Variants in CADM2 observed in about 807,000 individuals in gnomAD.
The protein encoded by CADM2 is immunoglobulin superfamily member 4D.
A neutral mutation model predicts 49.8 loss-of-function variants in CADM2; 12 were observed. The ratio of observed to expected loss-of-function variants is 0.24; its 90% CI spans 0.15 to 0.39. The LOEUF (loss-of-function observed/expected upper bound fraction) is 0.39, where lower values mean the gene tolerates loss of function less well. CADM2 is among the 10% of genes least tolerant of loss of function. The pLI is 1.00. For synonymous variants in CADM2, 214 were observed against 175.4 expected (o/e 1.22, Z -1.74); for missense variants, 378 against 492.3 (o/e 0.77, Z 2.20).
chr3:85,234,146 TG>T (rs2042360128), intron 1 of CADM2, among the ~76,000 whole-genome samples: 1 of 152,104 alleles, frequency 6.6e-6, no homozygotes, highest in African/African-American at 2.4e-5. Flanking sequence ...TGGTAAATTG[TG>T]AAGCAAGGAC....
chr3:85,355,820 G>A (rs1211001464), intron 1 of CADM2, among the ~76,000 whole-genome samples: 1 of 152,050 alleles, frequency 6.6e-6, no homozygotes, highest in African/African-American at 2.4e-5. Flanking sequence ...GCAGAATAAA[G>A]GAGGGGAAGA....
chr3:85,784,090 C>T (rs1479969079), intron 2 of CADM2, among the ~76,000 whole-genome samples: 1 of 152,172 alleles, frequency 6.6e-6, no homozygotes, highest in African/African-American at 2.4e-5. Flanking sequence ...CACGCACACA[C>T]ATTTGTCATT....
chr3:85,409,588 T>A (rs2035563784), intron 1 of CADM2, among the ~76,000 whole-genome samples: 1 of 152,078 alleles, frequency 6.6e-6, no homozygotes, highest in African/African-American at 2.4e-5. Context: ...TAGAAAGTCA[T>A]ATGATCCAAC....
At chr3:85,793,283 C>CT in intron 2 of CADM2, among the ~76,000 whole-genome samples, 1 of 152,254 alleles carries the variant, frequency 6.6e-6, no homozygotes, top group Non-Finnish European at 1.5e-5. Flanking sequence ...CTGAAACTAA[C>CT]TTAGATGGTT....
At chr3:85,942,032 T>A (rs1477962174) in intron 7 of CADM2, among the ~76,000 whole-genome samples, 1 of 152,114 alleles carries the variant, frequency 6.6e-6, no homozygotes, top group East Asian at 1.9e-4. Flanking sequence ...GTAACACAGC[T>A]GATAAATGGT....
intron 3 of CADM2, among the ~76,000 whole-genome samples, chr3:85,861,816 A>T (rs1336658777): frequency 6.6e-6 from 1 of 151,978 alleles, no homozygotes. Context: ...TGCATTTTTT[A>T]TAATTTATAT....
At chr3:85,108,851 A>T (rs1203018775) in intron 1 of CADM2, among the ~76,000 whole-genome samples, 1 of 152,106 alleles carries the variant, frequency 6.6e-6, no homozygotes, top group Non-Finnish European at 1.5e-5. Flanking sequence ...ATTAGGATGT[A>T]TCTTCAGAAA....
At chr3:85,579,542 C>G (rs1420959255) in intron 1 of CADM2, among the ~76,000 whole-genome samples, 5 of 152,072 alleles carry the variant, frequency 3.3e-5, no homozygotes, top group African/African-American at 1.2e-4. Flanking sequence ...ATGATAGAGT[C>G]AAGTTTGTTA....
At chr3:85,353,017 C>T (rs2031500234) in intron 1 of CADM2, among the ~76,000 whole-genome samples, 1 of 152,184 alleles carries the variant, frequency 6.6e-6, no homozygotes, top group Non-Finnish European at 1.5e-5. Flanking sequence ...TTCCTGAAGG[C>T]TTATTTATCC....
At chr3:85,660,307 T>C (rs2065360160) in intron 1 of CADM2, among the ~76,000 whole-genome samples, 1 of 152,140 alleles carries the variant, frequency 6.6e-6, no homozygotes, top group Non-Finnish European at 1.5e-5. Flanking sequence ...GAGGAGGCAG[T>C]AGAACAGTGA....
At chr3:84,976,302 T>G (rs2031810932) in intron 1 of CADM2, among the ~76,000 whole-genome samples, 1 of 151,592 alleles carries the variant, frequency 6.6e-6, no homozygotes, top group Non-Finnish European at 1.5e-5. Flanking sequence ...AACAAGAAAG[T>G]AGAAAGTATT....
chr3:85,568,463 C>CTTTCTT (rs1424573453), intron 1 of CADM2, among the ~76,000 whole-genome samples: 5 of 13,190 alleles, frequency 3.8e-4, no homozygotes, highest in South Asian at 4.5e-3. Context: ...TTCTTTCTTT[C>CTTTCTT]TCTTTCTCTC....
At chr3:85,870,616 A>G (rs971465709) in intron 3 of CADM2, among the ~76,000 whole-genome samples, 4 of 152,166 alleles carry the variant, frequency 2.6e-5, no homozygotes, top group African/African-American at 7.2e-5. Flanking sequence ...TCCATAGTAT[A>G]TATGTACCAC....
chr3:85,630,843 A>G (rs923078921), intron 1 of CADM2, among the ~76,000 whole-genome samples: 2 of 152,024 alleles, frequency 1.3e-5, no homozygotes, highest in Admixed American at 6.6e-5. Context: ...CTCTCCACAG[A>G]GCAGTCAGAG....
In CADM2 at chr3:86,070,342, A is replaced by G. The variant is rs1320052358; in HGVS notation, c.*3559A>G. The G allele has an allele frequency of 1.3e-5, 2 of 151,990 alleles. No homozygotes were observed. Among genetic ancestry groups the G allele is most frequent in the Non-Finnish European group, 2.9e-5 (2 of 67,888 alleles). 9.4% of individuals were successfully genotyped at this position (151,990 alleles called of 1,614,324 possible). A position where few individuals can be genotyped will look rare whatever the true frequency, so the allele number is the denominator to read the frequency against. ...GGCACATGTATAGCAGCTGTTTGAC[A>G]GTGATGGCTCTTCCATGTAACATAG... On this transcript the variant is annotated 3_prime_UTR_variant, in exon 10 of 10. Coordinates refer to ENST00000383699, the MANE Select transcript of CADM2 (RefSeq NM_001167675.2).
At chr3:85,930,418 A>T (rs979262602) in intron 6 of CADM2, among the ~76,000 whole-genome samples, 2 of 152,128 alleles carry the variant, frequency 1.3e-5, no homozygotes, top group African/African-American at 2.4e-5. Context: ...TGGGTTATCT[A>T]TCCCCTCAAG....
At chr3:85,095,667 G>A (rs1447313736) in intron 1 of CADM2, among the ~76,000 whole-genome samples, 1 of 152,006 alleles carries the variant, frequency 6.6e-6, no homozygotes, top group African/African-American at 2.4e-5. Context: ...ATAACCTAAG[G>A]CTTCTTTGGC....
intron 1 of CADM2, among the ~76,000 whole-genome samples, chr3:85,687,425 G>A (rs904838750): frequency 1.3e-5 from 2 of 151,944 alleles, no homozygotes; most frequent in African/African-American, 4.8e-5. Context: ...AGAGAAAAAC[G>A]ATGATGAAAT....
At chr3:85,637,850 A>C (rs902370107) in intron 1 of CADM2, among the ~76,000 whole-genome samples, 1 of 152,116 alleles carries the variant, frequency 6.6e-6, no homozygotes, top group Non-Finnish European at 1.5e-5. Flanking sequence ...GAGGGAAGAC[A>C]AATTTATCAC....
Sources: gnomAD v4.1 joint callset for allele counts (sites outside exome capture counted in the v4.1 genomes callset) on GRCh38, gnomAD v4.1.1 for gene constraint, MANE v1.5 for transcripts, NCBI Gene and HGNC (gene_info 2026-07-23, HGNC 2026-07-21) for gene names.